The following TMTC2 variants were observed in gnomAD, a reference collection of about 807,000 sequenced individuals.
The protein encoded by TMTC2 is transmembrane O-mannosyltransferase targeting cadherins 2.
In TMTC2, 43 loss-of-function variants were observed where a neutral mutation model predicts 82.4. That is an observed-to-expected ratio of 0.52 (90% CI 0.41 to 0.67). TMTC2 has a LOEUF of 0.67. TMTC2 is among the 30% of genes least tolerant of loss of function. The pLI is 0.00. For missense variants in TMTC2, 919 were observed against 1,012.4 expected (o/e 0.91, Z 1.25); for synonymous variants, 408 against 381.9 (o/e 1.07, Z -0.80).
rs201518897 is a variant in TMTC2 at position 82,949,598 on chromosome 12, C to CCTGT, written c.1599-15425_1599-15422dup. ...GGCTTCAAATCATTCATTTATTGGT[C>CCTGT]CTGTGTCTGACCTTAGGCAAATTAT... On this transcript the variant is annotated intron_variant, in intron 4 of 11. Transcript: ENST00000321196. 8.6e-3 allele frequency among the ~76,000 whole-genome samples: 1,309 copies of CCTGT among 152,260 alleles called. 19 individuals carry two copies. The highest frequency in any genetic ancestry group is 0.03 in the African/African-American group (1,241 of 41,540).
In TMTC2 at chr12:82,723,412, C is replaced by G. The variant is rs572416988; in HGVS notation, c.83+35743C>G. Among the ~76,000 whole-genome samples, 56 of 152,288 alleles carry G rather than the reference C, an allele frequency of 3.7e-4. 1 individual carries two copies. The highest frequency in any genetic ancestry group is 1.3e-3 in the African/African-American group (54 of 41,556). ...GATCTAATAAAGGTTTATTATCTCTCCCTTACCTGAAATGCTTGGAACTAA... is the reference window on the plus strand; with the variant it reads ...GATCTAATAAAGGTTTATTATCTCTGCCTTACCTGAAATGCTTGGAACTAA... On this transcript the variant is annotated intron_variant, in intron 1 of 11. Transcript: ENST00000321196.
chr12:82,956,752 C>T (rs1007069144), intron 4 of TMTC2, among the ~76,000 whole-genome samples: 3 of 152,020 alleles, frequency 2.0e-5, no homozygotes, highest in Admixed American at 1.3e-4. Flanking sequence ...CTGCACCTGG[C>T]CAGGTAAAAC....
intron 11 of TMTC2, among the ~76,000 whole-genome samples, chr12:83,116,328 A>G (rs150072595): frequency 0.016 from 2,413 of 151,714 alleles, 77 homozygotes; most frequent in African/African-American, 0.056. Flanking sequence ...TTCTTTATCC[A>G]CTCGTTGATT....
At chr12:82,748,268 A>G (rs1289174035) in intron 1 of TMTC2, among the ~76,000 whole-genome samples, 1 of 151,998 alleles carries the variant, frequency 6.6e-6, no homozygotes, top group African/African-American at 2.4e-5. Context: ...CCGAGATCAC[A>G]CCACTGCACT....
At chr12:83,031,040 C>G (rs1488390556) in intron 9 of TMTC2, among the ~76,000 whole-genome samples, 161 bp downstream of exon 9, 2 of 152,038 alleles carry the variant, frequency 1.3e-5, no homozygotes, top group African/African-American at 4.8e-5. Flanking sequence ...CAAAACAGTC[C>G]TATTAGACGG....
chr12:82,693,968 C>CAAAA (rs1005660355), intron 1 of TMTC2, among the ~76,000 whole-genome samples: 2 of 41,414 alleles, frequency 4.8e-5, no homozygotes, highest in Non-Finnish European at 5.0e-5. Context: ...AACTCCATCT[C>CAAAA]AAAAAAAAAA....
intron 1 of TMTC2, among the ~76,000 whole-genome samples, chr12:82,771,989 T>C (rs1050805206): frequency 2.6e-5 from 4 of 152,186 alleles, no homozygotes; most frequent in African/African-American, 9.6e-5. Flanking sequence ...ATTAACCTTG[T>C]TCGTCTCATA....
chr12:82,803,353 G>A (rs936468100), intron 1 of TMTC2, among the ~76,000 whole-genome samples: 1 of 152,244 alleles, frequency 6.6e-6, no homozygotes, highest in East Asian at 1.9e-4. Context: ...GGAATATCAG[G>A]CGATAATCAG....
chr12:82,962,316 C>T (rs1877978391), intron 4 of TMTC2, among the ~76,000 whole-genome samples: 1 of 151,894 alleles, frequency 6.6e-6, no homozygotes, highest in South Asian at 2.1e-4. Flanking sequence ...AGCATGTTTG[C>T]CCTTTAGGAA....
chr12:82,901,275 G>T (rs1312244230), intron 3 of TMTC2, among the ~76,000 whole-genome samples: 6 of 137,202 alleles, frequency 4.4e-5, no homozygotes, highest in South Asian at 2.2e-4. Flanking sequence ...TATATATATA[G>T]AGAGAGTAAT....
At chr12:82,820,838 G>C (rs1869057579) in intron 1 of TMTC2, among the ~76,000 whole-genome samples, 1 of 151,974 alleles carries the variant, frequency 6.6e-6, no homozygotes, top group African/African-American at 2.4e-5. Flanking sequence ...TTAATTTGTG[G>C]ACCTGGATTC....
At chr12:82,693,968 CAAA>C (rs1005660355) in intron 1 of TMTC2, among the ~76,000 whole-genome samples, 9 of 41,426 alleles carry the variant, frequency 2.2e-4, no homozygotes, top group African/African-American at 7.9e-4. Context: ...AACTCCATCT[CAAA>C]AAAAAAAAAA....
intron 1 of TMTC2, among the ~76,000 whole-genome samples, chr12:82,783,380 C>G (rs1262196894): frequency 6.6e-6 from 1 of 151,662 alleles, no homozygotes; most frequent in Non-Finnish European, 1.5e-5. Context: ...TGAAGATCCT[C>G]CCTTGCCTCT....
intron 7 of TMTC2, among the ~76,000 whole-genome samples, chr12:82,979,246 C>G (rs1381262348): frequency 6.6e-6 from 1 of 151,362 alleles, no homozygotes; most frequent in Non-Finnish European, 1.5e-5. Context: ...ATTTTGTGGT[C>G]TTCTTTCTTT....
chr12:82,725,225 C>CT (rs1329552738), intron 1 of TMTC2, among the ~76,000 whole-genome samples: 1 of 151,744 alleles, frequency 6.6e-6, no homozygotes, highest in African/African-American at 2.4e-5. Context: ...TTAGGGGATA[C>CT]TTTTTTTTCC....
chr12:83,081,250 T>G (rs989112181), intron 11 of TMTC2, among the ~76,000 whole-genome samples: 3 of 152,222 alleles, frequency 2.0e-5, no homozygotes, highest in African/African-American at 7.2e-5. Context: ...GTAAAATTAT[T>G]ATTTCTTATT....
chr12:83,052,764 T>C (rs1882400368), intron 10 of TMTC2, among the ~76,000 whole-genome samples: 1 of 152,186 alleles, frequency 6.6e-6, no homozygotes, highest in African/African-American at 2.4e-5. Context: ...TATGATTTTT[T>C]CTTAGTTGCC....
At chr12:83,044,992 G>A (rs571079321) in intron 9 of TMTC2, among the ~76,000 whole-genome samples, 1 of 152,176 alleles carries the variant, frequency 6.6e-6, no homozygotes, top group African/African-American at 2.4e-5. Context: ...TTAAATCCAG[G>A]AATTAACGAA....
chr12:82,984,850 T>A (rs1464731548), intron 7 of TMTC2, among the ~76,000 whole-genome samples: 1 of 152,106 alleles, frequency 6.6e-6, no homozygotes, highest in Non-Finnish European at 1.5e-5. Flanking sequence ...TCCAACTTTT[T>A]TATCCTGCTC....
Sources: allele counts gnomAD v4.1 joint callset (sites outside exome capture counted in the v4.1 genomes callset), GRCh38; gene constraint gnomAD v4.1.1; transcripts MANE v1.5; gene names NCBI Gene and HGNC (gene_info 2026-07-23, HGNC 2026-07-21).